The following ERLIN2 variants were observed in gnomAD, a reference collection of about 807,000 sequenced individuals.
ERLIN2 encodes the protein ER lipid raft associated 2.
ERLIN2 carries 22 observed loss-of-function variants against 41.5 expected under a neutral mutation model. That is an observed-to-expected ratio of 0.53 (90% confidence interval 0.38 to 0.76). ERLIN2 has a LOEUF of 0.76. ERLIN2 is among the 30% of genes least tolerant of loss of function. The pLI is 0.00. For missense variants in ERLIN2, 247 were observed against 414.3 expected (o/e 0.60, Z 3.51); for synonymous variants, 149 against 150.9 (o/e 0.99, Z 0.09).
chr8:37,739,587 G>A (rs1379837541), intron 2 of ERLIN2, among the ~76,000 whole-genome samples: 2 of 151,492 alleles, frequency 1.3e-5, no homozygotes, highest in Non-Finnish European at 2.9e-5. Context: ...GCAATTCTCT[G>A]CCTCAGCCTC....
chr8:37,750,217 G>C, intron 8 of ERLIN2, 178 bp from the exon 9 acceptor site: 1 of 652,580 alleles, frequency 1.5e-6, no homozygotes, highest in Non-Finnish European at 2.7e-6. Flanking sequence ...TACTTGGGAG[G>C]AGAAGAGCTA....
At chr8:37,739,810 T>G (rs893143415) in intron 2 of ERLIN2, among the ~76,000 whole-genome samples, 44 of 151,166 alleles carry the variant, frequency 2.9e-4, no homozygotes, top group Admixed American at 2.0e-4. Flanking sequence ...TGCTGTCTTT[T>G]TCTTTTTTTT....
rs907856278 is a variant in ERLIN2 at position 37,757,784 on chromosome 8, C to A, written c.*3669C>A. ...TCTCTAAAAATAAACAGATGAAAAT[C>A]TATCCCCATTATCGATACAGAATTT... On this transcript the variant is annotated 3_prime_UTR_variant, in exon 12 of 12. Transcript: ENST00000519638. 1.3e-5 allele frequency: 2 copies of A among 152,172 alleles called. No homozygotes were observed. Among genetic ancestry groups the A allele is most frequent in the Admixed American group, 1.3e-4 (2 of 15,282 alleles). The allele number at this position is 152,172 out of a possible 1,614,324, so 9.4% of individuals were successfully genotyped here.
chr8:37,751,816 A>AT, intron 10 of ERLIN2, 101 bp downstream of exon 10: 1 of 871,634 alleles, frequency 1.1e-6, no homozygotes, highest in Non-Finnish European at 1.9e-6. Context: ...GTGCTCAAGG[A>AT]TGTCATGATC....
intron 6 of ERLIN2, chr8:37,746,662 T>TTA (rs1803063405): frequency 2.9e-6 from 1 of 343,966 alleles, no homozygotes; most frequent in Non-Finnish European, 4.1e-6. Flanking sequence ...CTTGGGTTAC[T>TTA]TATTCAGACC....
At chr8:37,738,077 C>T in intron 2 of ERLIN2, 48 bp downstream of exon 2, 1 of 1,608,340 alleles carries the variant, frequency 6.2e-7, no homozygotes, top group Non-Finnish European at 8.5e-7. Flanking sequence ...TAAATAGCTC[C>T]CTTTCCTGGT....
At chr8:37,739,224 C>A (rs1465941818) in intron 2 of ERLIN2, among the ~76,000 whole-genome samples, 1 of 152,206 alleles carries the variant, frequency 6.6e-6, no homozygotes, top group Non-Finnish European at 1.5e-5. Flanking sequence ...TTAATTCTTT[C>A]TCCCCATCAT....
chr8:37,746,408 C>T, intron 6 of ERLIN2: 1 of 985,358 alleles, frequency 1.0e-6, no homozygotes, highest in Non-Finnish European at 1.2e-6. Flanking sequence ...GTCCCAACAC[C>T]TTTTAATACA....
intron 2 of ERLIN2, among the ~76,000 whole-genome samples, chr8:37,738,867 A>C (rs1419739540): frequency 6.6e-6 from 1 of 152,238 alleles, no homozygotes; most frequent in Non-Finnish European, 1.5e-5. Flanking sequence ...CCTGGGTGAC[A>C]GAGCAAGACC....
At chr8:37,753,660 T>C in intron 11 of ERLIN2, 131 bp downstream of exon 11, 1 of 852,600 alleles carries the variant, frequency 1.2e-6, no homozygotes, top group Non-Finnish European at 2.0e-6. Flanking sequence ...GCCTTTGCTG[T>C]GTGGTGCAGG....
At chr8:37,750,539 T>C in intron 9 of ERLIN2, 53 bp downstream of exon 9, 1 of 1,483,024 alleles carries the variant, frequency 6.7e-7, no homozygotes, top group South Asian at 1.1e-5. Flanking sequence ...CTGGGGGTGG[T>C]GGGAAGATGC....
rs999373710 is a variant in ERLIN2, at chr8:37,757,007, A to G, written c.*2892A>G. ...CAAAGTTTATTAATAATTTTTATATAACTAAAATAAAATAGATGTGGAGGG... is the reference window on the plus strand; with the variant it reads ...CAAAGTTTATTAATAATTTTTATATGACTAAAATAAAATAGATGTGGAGGG... On this transcript the variant is annotated 3_prime_UTR_variant, in exon 12 of 12. Coordinates refer to ENST00000519638, the MANE Select transcript of ERLIN2 (RefSeq NM_007175.8). The G allele has an allele frequency of 1.3e-5, 2 of 152,216 alleles. No homozygotes were observed. The highest frequency in any genetic ancestry group is 4.8e-5 in the African/African-American group (2 of 41,458). 9.4% of individuals were successfully genotyped at this position (152,216 alleles called of 1,614,324 possible). A position where few individuals can be genotyped will look rare whatever the true frequency, so the allele number is the denominator to read the frequency against.
At position 37,754,198 on chromosome 8, in the gene ERLIN2, T is replaced by A; in HGVS notation, c.*83T>A. On this transcript the variant is annotated 3_prime_UTR_variant, in exon 12 of 12. Transcript: ENST00000519638. ...ATCAGAATGTTCCTCCCTCCCCGAC[T>A]ACCTTCTCTGACTGTCTTCCAGTTA... The A allele has an allele frequency of 1.0e-6, 1 of 991,656 alleles. No individual in the cohort carries two copies. Among genetic ancestry groups the A allele is most frequent in the Non-Finnish European group, 1.6e-6 (1 of 635,716 alleles). 61.4% of individuals were successfully genotyped at this position (991,656 alleles called of 1,614,324 possible). A position where few individuals can be genotyped will look rare whatever the true frequency, so the allele number is the denominator to read the frequency against.
Position 37,744,582 on chromosome 8 carries a change from G to C in ERLIN2, c.310G>C (p.Val104Leu). Residue 104 changes from valine (V) to leucine (L), a missense_variant, in exon 6 of 12, where the codon GTG becomes CTG. Val to Leu is a conservative substitution (Grantham distance 32). This residue lies in a region of ERLIN2 where 93 missense variants were observed against 139.0 expected (regional missense o/e 0.67). Transcript: ENST00000519638. Reference sequence around the variant, plus strand: ...TCCTTCCCTCTCAGTGTATGATATAGTGAAGAACTATACTGCTGACTATGA... The same window carrying C: ...TCCTTCCCTCTCAGTGTATGATATACTGAAGAACTATACTGCTGACTATGA... ...FLVPNAVYDI[V>L]KNYTADYDKA... is the part of the protein sequence containing the mutation. 6.2e-7 allele frequency: 1 copy of C among 1,614,108 alleles called. No individual in the cohort carries two copies. The highest frequency in any genetic ancestry group is 1.1e-5 in the South Asian group (1 of 91,086).
chr8:37,745,274 C>A, intron 6 of ERLIN2: 1 of 490,916 alleles, frequency 2.0e-6, no homozygotes, highest in South Asian at 2.9e-5. Context: ...TAGCTCCTTC[C>A]AGTTCTCAGA....
At position 37,754,519 on chromosome 8, in the gene ERLIN2, A is replaced by T. The variant is rs1366390792; in HGVS notation, c.*404A>T. The T allele has an allele frequency of 7.0e-6, 2 of 286,642 alleles. No individual in the cohort carries two copies. Among genetic ancestry groups the T allele is most frequent in the African/African-American group, 2.2e-5 (1 of 45,742 alleles). The allele number at this position is 286,642 out of a possible 1,614,324, so 17.8% of individuals were successfully genotyped here. On this transcript the variant is annotated 3_prime_UTR_variant, in exon 12 of 12. Coordinates refer to ENST00000519638, the MANE Select transcript of ERLIN2 (RefSeq NM_007175.8). ...GTGTTCTCACCTCTGCCTCCAAGGT[A>T]GGAGATGTCTGTGGGTGAGGCTCAG...
chr8:37,750,327 G>T lies in ERLIN2; in HGVS notation c.558-68G>T. On this transcript the variant is annotated intron_variant, in intron 8 of 11. Coordinates refer to ENST00000519638, the MANE Select transcript of ERLIN2 (RefSeq NM_007175.8). ...TTGCCTCTCTTCAGCAGAAGAATTC[G>T]ACTTACCTGGGGATAGTGAAGCTCC... is the stretch of plus-strand genomic sequence containing the variant. The T allele has an allele frequency of 3.2e-6, 4 of 1,255,950 alleles. No individual in the cohort carries two copies. The South Asian group carries it at 4.9e-5, about 15-fold the overall frequency. 77.8% of individuals were successfully genotyped at this position (1,255,950 alleles called of 1,614,324 possible).
chr8:37,742,740 G>A (rs1164584654), intron 4 of ERLIN2, among the ~76,000 whole-genome samples: 1 of 152,166 alleles, frequency 6.6e-6, no homozygotes, highest in Non-Finnish European at 1.5e-5. Context: ...GATGATCTGA[G>A]CAGCAAACCA....
rs1297722293 is a variant in ERLIN2 at position 37,757,845 on chromosome 8, G to T, written c.*3730G>T. ...CATAATTCTTGGTAGGTGCTATAGA[G>T]ATTTATCATTTTAAACAGTTCACAC... On this transcript the variant is annotated 3_prime_UTR_variant, in exon 12 of 12. Coordinates refer to ENST00000519638, the MANE Select transcript of ERLIN2 (RefSeq NM_007175.8). 1 of 152,114 alleles carries T rather than the reference G, an allele frequency of 6.6e-6. No individual in the cohort carries two copies. Among genetic ancestry groups the T allele is most frequent in the Non-Finnish European group, 1.5e-5 (1 of 68,024 alleles). 9.4% of individuals were successfully genotyped at this position (152,114 alleles called of 1,614,324 possible).
Sources: allele counts gnomAD v4.1 joint callset (sites outside exome capture counted in the v4.1 genomes callset), GRCh38; gene constraint gnomAD v4.1.1; regional missense constraint gnomAD v4.1.1; transcripts MANE v1.5; gene names NCBI Gene and HGNC (gene_info 2026-07-23, HGNC 2026-07-21).